Variants in SCLT1 observed in about 807,000 individuals in gnomAD.
SCLT1 encodes sodium channel-associated protein 1.
Under a neutral mutation model 112.8 loss-of-function variants are expected in SCLT1, and 78 were observed. The observed-to-expected ratio is 0.69, with a 90% confidence interval of 0.58 to 0.83. The LOEUF is 0.83. Among genes scored for constraint, SCLT1 ranks in the 40% least tolerant of loss-of-function variants. The probability of loss-of-function intolerance (pLI) is 0.00; values close to 1 mark genes in which losing one functional copy is unlikely to be tolerated. For missense variants in SCLT1, 747 were observed against 770.4 expected, an observed-to-expected ratio of 0.97 and a Z score of 0.36; for synonymous variants, 257 against 254.7, an observed-to-expected ratio of 1.01 and a Z score of -0.09.
In SCLT1 at chr4:128,994,774, G is replaced by C. The variant is rs182698543; in HGVS notation, c.616-2537C>G. The stretch of plus-strand genomic sequence containing the variant: ...TGTTTCCCTAATGTTTAGTGACATC[G>C]AGCATTGGGCATTTCTTCACATACC... On this transcript the variant is annotated intron_variant, in intron 8 of 20. Transcript: ENST00000281142. Among the ~76,000 whole-genome samples, 133 of 152,046 alleles carry C rather than the reference G, an allele frequency of 8.7e-4. 1 individual carries two copies. The Middle Eastern group carries it at 0.031, about 35-fold the overall frequency.
intron 14 of SCLT1, chr4:128,952,240 T>C: frequency 2.4e-6 from 1 of 424,682 alleles, no homozygotes; most frequent in South Asian, 1.7e-5. Flanking sequence ...TATAAACATT[T>C]TCTCAATTCT....
intron 18 of SCLT1, among the ~76,000 whole-genome samples, chr4:128,915,663 G>C (rs1735419640): frequency 6.6e-6 from 1 of 152,172 alleles, no homozygotes; most frequent in African/African-American, 2.4e-5. Flanking sequence ...ATCAAAACTG[G>C]AAGAAGAGTT....
chr4:128,983,542 C>A (rs1324566597), intron 9 of SCLT1, among the ~76,000 whole-genome samples: 3 of 152,064 alleles, frequency 2.0e-5, no homozygotes, highest in African/African-American at 7.2e-5. Flanking sequence ...TTCTGAGAAA[C>A]AGAATGATCT....
At chr4:128,959,816 T>G (rs1214692169) in intron 11 of SCLT1, 39 bp from the exon 12 acceptor site, 3 of 1,535,392 alleles carry the variant, frequency 2.0e-6, no homozygotes, top group Non-Finnish European at 2.7e-6. Flanking sequence ...TTAAACTTTT[T>G]TAAAGGGAAG....
intron 18 of SCLT1, among the ~76,000 whole-genome samples, chr4:128,929,783 G>C (rs542616873): frequency 6.6e-6 from 1 of 152,292 alleles, no homozygotes; most frequent in East Asian, 1.9e-4. Flanking sequence ...GGGATGAATG[G>C]CTACAACATG....
At chr4:129,046,227 T>C (rs1382529913) in intron 2 of SCLT1, among the ~76,000 whole-genome samples, 1 of 152,074 alleles carries the variant, frequency 6.6e-6, no homozygotes, top group African/African-American at 2.4e-5. Flanking sequence ...TGTGGAAACA[T>C]CAAATCCAAG....
intron 1 of SCLT1, among the ~76,000 whole-genome samples, chr4:129,091,525 C>T (rs755800867): frequency 6.6e-6 from 1 of 152,040 alleles, no homozygotes; most frequent in Non-Finnish European, 1.5e-5. Flanking sequence ...TCTAGCCAAA[C>T]TCCTCATCAA....
At position 128,888,754 on chromosome 4, in the gene SCLT1, C is replaced by A; in HGVS notation, c.1929G>T (p.Glu643Asp). The A allele has an allele frequency of 6.2e-7, 1 of 1,608,566 alleles. No individual in the cohort carries two copies. Among genetic ancestry groups the A allele is most frequent in the African/African-American group, 1.3e-5 (1 of 74,862 alleles). Residue 643 changes from glutamate (E) to aspartate (D), a missense_variant, in exon 20 of 21, where the codon GAG becomes GAT. This residue lies in a region of SCLT1 where 723 missense variants were observed against 721.3 expected (regional missense o/e 1.00). Transcript: ENST00000281142. ...GAAGTCTGTTGGCTTTTTCTTGATG[C>A]TCTAGAATTAGCTTTTCATTCTATT... Reference protein sequence around the residue: ...KVAENEKLILEHQEKANRLQR... With the variant: ...KVAENEKLILDHQEKANRLQR...
chr4:129,025,492 C>G (rs1464723166), intron 5 of SCLT1, among the ~76,000 whole-genome samples: 3 of 152,108 alleles, frequency 2.0e-5, no homozygotes, highest in Non-Finnish European at 2.9e-5. Context: ...TACAGAAAAG[C>G]AAATGCTGAG....
intron 18 of SCLT1, among the ~76,000 whole-genome samples, chr4:128,918,195 A>C (rs183362639): frequency 6.6e-6 from 1 of 152,276 alleles, no homozygotes; most frequent in Non-Finnish European, 1.5e-5. Flanking sequence ...TAGATAGAGA[A>C]ACCAGATAAG....
intron 11 of SCLT1, among the ~76,000 whole-genome samples, chr4:128,963,032 T>C (rs565592965): frequency 4.6e-5 from 7 of 152,302 alleles, no homozygotes; most frequent in Admixed American, 1.3e-4. Flanking sequence ...TAATGAATGA[T>C]ATATAAATCT....
chr4:129,059,995 G>A (rs1444056290), intron 2 of SCLT1, among the ~76,000 whole-genome samples: 1 of 151,846 alleles, frequency 6.6e-6, no homozygotes, highest in African/African-American at 2.4e-5. Flanking sequence ...ATATTTTTTT[G>A]CCTAATGGTG....
chr4:129,044,674 G>T (rs1358011306), intron 2 of SCLT1, among the ~76,000 whole-genome samples: 1 of 151,808 alleles, frequency 6.6e-6, no homozygotes, highest in Non-Finnish European at 1.5e-5. Flanking sequence ...GTGTGGAATG[G>T]TCAATATTTT....
chr4:128,909,214 A>C (rs1306511223), intron 18 of SCLT1, among the ~76,000 whole-genome samples: 2 of 152,074 alleles, frequency 1.3e-5, no homozygotes, highest in African/African-American at 4.8e-5. Context: ...CCACCCTCAG[A>C]TATCCAACAA....
intron 2 of SCLT1, among the ~76,000 whole-genome samples, chr4:129,072,734 C>T (rs765131346): frequency 3.3e-4 from 50 of 152,052 alleles, no homozygotes; most frequent in Admixed American, 1.1e-3. Context: ...TTTTCTTGCA[C>T]GGGGCTTCGC....
rs576393138 is a variant in SCLT1 at position 129,019,770 on chromosome 4, C to T, written c.291-15894G>A. ...CAAGCCTCCTTGGTGAAAATAGCCACACCACTGCCACAGTGCAGCATTTCT... is the reference window on the plus strand; with the variant it reads ...CAAGCCTCCTTGGTGAAAATAGCCATACCACTGCCACAGTGCAGCATTTCT... On this transcript the variant is annotated intron_variant, in intron 5 of 20. Coordinates refer to ENST00000281142, the MANE Select transcript of SCLT1 (RefSeq NM_144643.4). Among the ~76,000 whole-genome samples, 3 of 152,012 alleles carry T rather than the reference C, an allele frequency of 2.0e-5. No homozygotes were observed. The South Asian group carries it at 6.2e-4, about 32-fold the overall frequency.
chr4:129,078,972 G>C (rs1426557499), intron 2 of SCLT1, among the ~76,000 whole-genome samples: 1 of 152,152 alleles, frequency 6.6e-6, no homozygotes, highest in Non-Finnish European at 1.5e-5. Flanking sequence ...GCAGGAGGAA[G>C]AGAGAAAATG....
intron 6 of SCLT1, among the ~76,000 whole-genome samples, chr4:129,001,880 G>A (rs1486005868): frequency 6.6e-6 from 1 of 151,740 alleles, no homozygotes; most frequent in Non-Finnish European, 1.5e-5. Context: ...AGACATATAA[G>A]CCTAAATTAA....
intron 18 of SCLT1, among the ~76,000 whole-genome samples, chr4:128,905,613 C>T (rs921156980): frequency 1.3e-5 from 2 of 152,070 alleles, no homozygotes; most frequent in African/African-American, 4.8e-5. Context: ...TCAATCTGAT[C>T]CCTGCTGAGG....
Sources: gnomAD v4.1 joint callset for allele counts (sites outside exome capture counted in the v4.1 genomes callset) on GRCh38, gnomAD v4.1.1 for gene constraint, gnomAD v4.1.1 regional missense constraint, MANE v1.5 for transcripts, NCBI Gene and HGNC (gene_info 2026-07-23, HGNC 2026-07-21) for gene names.